EBF1: variants seen among roughly 807,000 people sequenced by gnomAD.
EBF1 encodes the protein transcription factor COE1.
A neutral mutation model predicts 68.4 loss-of-function variants in EBF1; 10 were observed. That is an observed-to-expected ratio of 0.15 (90% CI 0.09 to 0.25). The LOEUF is 0.25. Ranked by LOEUF, EBF1 falls within the 10% of genes least tolerant of loss-of-function variation. The probability of loss-of-function intolerance (pLI) is 1.00; values close to 1 mark genes in which losing one functional copy is unlikely to be tolerated. For missense variants in EBF1, 509 were observed against 794.4 expected (o/e 0.64, Z 4.32); for synonymous variants, 298 against 299.8 (o/e 0.99, Z 0.06).
chr5:158,915,239 G>A (rs1806905780), intron 6 of EBF1, among the ~76,000 whole-genome samples: 1 of 152,226 alleles, frequency 6.6e-6, no homozygotes, highest in Admixed American at 6.5e-5. Flanking sequence ...CCACCGGGAT[G>A]ATGATCTTTC....
In EBF1 at chr5:158,840,645, G is replaced by GTTTTTTTTTTTTT. The variant is rs534374216; in HGVS notation, c.555-548_555-536dup. 1.9e-4 allele frequency among the ~76,000 whole-genome samples: 12 copies of GTTTTTTTTTTTTT among 64,816 alleles called. 3 individuals are homozygous for GTTTTTTTTTTTTT. The highest frequency in any genetic ancestry group is 5.1e-4 in the Admixed American group (2 of 3,926). 42.5% of individuals were successfully genotyped at this position (64,816 alleles called of 152,430 possible). ...TCCTTTGACTTCTCAAATACCTCCT[G>GTTTTTTTTTTTTT]TTTTTTTTTTTTTTTTTTTTTTTTT... On this transcript the variant is annotated intron_variant, in intron 6 of 15. Coordinates refer to ENST00000313708, the MANE Select transcript of EBF1 (RefSeq NM_024007.5).
At position 158,697,724 on chromosome 5, in the gene EBF1, A is replaced by G. The variant is rs116846961; in HGVS notation, c.*1387T>C. 40 of 208,540 alleles carry G rather than the reference A, an allele frequency of 1.9e-4. No homozygotes were observed. The East Asian group carries it at 2.9e-3, about 15-fold the overall frequency. 12.9% of individuals were successfully genotyped at this position (208,540 alleles called of 1,614,324 possible). A position where few individuals can be genotyped will look rare whatever the true frequency, so the allele number is the denominator to read the frequency against. ...AAAATGTCTTAAGACATTAAAATGTATAAATAGAACAACAACTTTGGCAAA... is the reference window on the plus strand; with the variant it reads ...AAAATGTCTTAAGACATTAAAATGTGTAAATAGAACAACAACTTTGGCAAA... On this transcript the variant is annotated 3_prime_UTR_variant, in exon 16 of 16. Coordinates refer to ENST00000313708, the MANE Select transcript of EBF1 (RefSeq NM_024007.5).
At chr5:158,844,117 T>G (rs1010621140) in intron 6 of EBF1, among the ~76,000 whole-genome samples, 1 of 150,744 alleles carries the variant, frequency 6.6e-6, no homozygotes, top group Admixed American at 6.6e-5. Flanking sequence ...ATTGACCCTG[T>G]AGAGTTCCAA....
At position 158,727,973 on chromosome 5, in the gene EBF1, A is replaced by G. The variant is rs571832756; in HGVS notation, c.1125+3096T>C. Reference sequence around the variant, plus strand: ...CTATTCACAAACACATGGGTTTAATAAAGAGGAGTTTGTTTTTTAAGGTGT... The same window carrying G: ...CTATTCACAAACACATGGGTTTAATGAAGAGGAGTTTGTTTTTTAAGGTGT... On this transcript the variant is annotated intron_variant, in intron 11 of 15. Transcript: ENST00000313708. Among the ~76,000 whole-genome samples, 6 of 152,322 alleles carry G rather than the reference A, an allele frequency of 3.9e-5. No homozygotes were observed. In the East Asian group the frequency reaches 1.2e-3, roughly 29 times the overall value.
At chr5:159,071,623 A>C (rs79347524) in intron 6 of EBF1, among the ~76,000 whole-genome samples, 13 of 152,232 alleles carry the variant, frequency 8.5e-5, no homozygotes, top group African/African-American at 2.6e-4. Flanking sequence ...ATCGCAACCC[A>C]CAGGAACAGG....
At chr5:159,077,057 A>G (rs1247972971) in intron 5 of EBF1, among the ~76,000 whole-genome samples, 2 of 152,176 alleles carry the variant, frequency 1.3e-5, no homozygotes, top group East Asian at 3.9e-4. Flanking sequence ...TGAAAGGGAG[A>G]GAGGGAGGGG....
chr5:158,925,937 G>A (rs1809605598), intron 6 of EBF1, among the ~76,000 whole-genome samples: 1 of 152,194 alleles, frequency 6.6e-6, no homozygotes, highest in South Asian at 2.1e-4. Flanking sequence ...CACTACCCAT[G>A]TGTCCAGGAA....
At position 158,883,126 on chromosome 5, in the gene EBF1, A is replaced by G. The variant is rs1799204768; in HGVS notation, c.555-43016T>C. Reference sequence around the variant, plus strand: ...TATGTAATGTTAAAAAAAAAAGTGAAGGGAAGCTGTCACCAGAGAGAGGTA... The same window carrying G: ...TATGTAATGTTAAAAAAAAAAGTGAGGGGAAGCTGTCACCAGAGAGAGGTA... On this transcript the variant is annotated intron_variant, in intron 6 of 15. Transcript: ENST00000313708. Among the ~76,000 whole-genome samples the G allele has an allele frequency of 2.0e-5, 3 of 152,252 alleles. No homozygotes were observed. The South Asian group carries it at 6.2e-4, about 32-fold the overall frequency.
At chr5:158,819,882 A>G (rs1323600152) in intron 8 of EBF1, among the ~76,000 whole-genome samples, 1 of 152,178 alleles carries the variant, frequency 6.6e-6, no homozygotes, top group African/African-American at 2.4e-5. Flanking sequence ...GATCTATAGC[A>G]TGCCAGGATT....
intron 6 of EBF1, among the ~76,000 whole-genome samples, chr5:158,878,242 G>GA (rs770875285): frequency 4.6e-5 from 7 of 151,976 alleles, no homozygotes; most frequent in Non-Finnish European, 7.4e-5. Flanking sequence ...CTATCAGCAG[G>GA]AAAAAAATGT....
chr5:159,058,857 G>C (rs1390569923), intron 6 of EBF1, among the ~76,000 whole-genome samples: 1 of 152,194 alleles, frequency 6.6e-6, no homozygotes, highest in Non-Finnish European at 1.5e-5. Flanking sequence ...GGCCATTCAT[G>C]TCAAACACCC....
At chr5:158,740,142 T>G (rs1157312517) in intron 10 of EBF1, among the ~76,000 whole-genome samples, 2 of 152,122 alleles carry the variant, frequency 1.3e-5, no homozygotes, top group East Asian at 3.8e-4. Flanking sequence ...CTGTCAGACA[T>G]AGTGGAGCTG....
intron 6 of EBF1, among the ~76,000 whole-genome samples, chr5:158,940,885 C>A (rs2127470334): frequency 6.6e-6 from 1 of 151,258 alleles, no homozygotes; most frequent in East Asian, 1.9e-4. Flanking sequence ...AAAGGATGGC[C>A]TGTATATGAA....
At chr5:159,017,981 ACTCAGAGGCCCATTTC>A (rs1265933888) in intron 6 of EBF1, among the ~76,000 whole-genome samples, 1 of 151,814 alleles carries the variant, frequency 6.6e-6, no homozygotes, top group East Asian at 1.9e-4. Context: ...GGCTCCCATT[ACTCAGAGGCCCATTTC>A]CTGTCTCCCC....
At chr5:158,738,386 T>G (rs546942868) in intron 10 of EBF1, among the ~76,000 whole-genome samples, 43 of 152,250 alleles carry the variant, frequency 2.8e-4, no homozygotes, top group Non-Finnish European at 5.6e-4. Flanking sequence ...ATAAAATTTA[T>G]GCCAATTTAC....
At chr5:158,765,153 T>G (rs1772384929) in intron 10 of EBF1, among the ~76,000 whole-genome samples, 1 of 152,120 alleles carries the variant, frequency 6.6e-6, no homozygotes, top group African/African-American at 2.4e-5. Context: ...GCTAGTAATT[T>G]TATTAAGGAA....
At chr5:158,942,618 A>T (rs6556374) in intron 6 of EBF1, among the ~76,000 whole-genome samples, 82,124 of 151,752 alleles carry the variant, frequency 0.54, 22,748 homozygotes, top group South Asian at 0.74. Flanking sequence ...TTTAATTTCA[A>T]ATACAAGGAA....
rs1479018501 is a variant in EBF1 at position 158,698,987 on chromosome 5, T to C, written c.*124A>G. ...CGGTGATTTTGTTTGTTTAAAAATC[T>C]GCAGTTATTGTGATTCCTCTTAAAA... On this transcript the variant is annotated 3_prime_UTR_variant, in exon 16 of 16. Transcript: ENST00000313708. 1 of 834,016 alleles carries C rather than the reference T, an allele frequency of 1.2e-6. No individual in the cohort carries two copies. Among genetic ancestry groups the C allele is most frequent in the Non-Finnish European group, 1.8e-6 (1 of 559,184 alleles). The allele number at this position is 834,016 out of a possible 1,614,324, so 51.7% of individuals were successfully genotyped here.
At chr5:158,920,209 T>G (rs1808107757) in intron 6 of EBF1, among the ~76,000 whole-genome samples, 1 of 149,292 alleles carries the variant, frequency 6.7e-6, no homozygotes, top group Non-Finnish European at 1.5e-5. Flanking sequence ...AATGTAATCT[T>G]CTTAACAATC....
Sources: allele counts gnomAD v4.1 joint callset (sites outside exome capture counted in the v4.1 genomes callset), GRCh38; gene constraint gnomAD v4.1.1; transcripts MANE v1.5; gene names NCBI Gene and HGNC (gene_info 2026-07-23, HGNC 2026-07-21).